MYO1B: variants seen among roughly 807,000 people sequenced by gnomAD.
MYO1B encodes unconventional myosin-Ib.
In MYO1B, 72 loss-of-function variants were observed where a neutral mutation model predicts 159.7. The observed-to-expected ratio is 0.45, with a 90% CI of 0.37 to 0.55. MYO1B has a LOEUF of 0.55. MYO1B is among the 20% of genes least tolerant of loss of function. The pLI, the probability that MYO1B is intolerant of heterozygous loss-of-function variation, is 0.00. For synonymous variants in MYO1B, 468 were observed against 473.8 expected (o/e 0.99, Z 0.16); for missense variants, 1,062 against 1,364.8 (o/e 0.78, Z 3.50).
intron 24 of MYO1B, among the ~76,000 whole-genome samples, chr2:191,403,684 A>G (rs1696746722): frequency 6.6e-6 from 1 of 152,196 alleles, no homozygotes; most frequent in Admixed American, 6.5e-5. Flanking sequence ...TTCAGCCTAT[A>G]AACTTTAGTA....
intron 7 of MYO1B, among the ~76,000 whole-genome samples, chr2:191,359,452 T>G (rs1693523198): frequency 1.3e-5 from 2 of 152,190 alleles, no homozygotes; most frequent in African/African-American, 4.8e-5. Context: ...TAATAATTTT[T>G]GTACTTACAT....
At chr2:191,365,370 A>G (rs117043465) in intron 11 of MYO1B, among the ~76,000 whole-genome samples, 3 of 152,322 alleles carry the variant, frequency 2.0e-5, no homozygotes, top group East Asian at 1.9e-4. Context: ...CTTTCCTACT[A>G]TAATCCAAGA....
rs538627617 is a variant in MYO1B at position 191,371,424 on chromosome 2, C to G, written c.1185+1132C>G. ...ATGGTAAGTACTAATTGAGGGCCGA[C>G]TGTATGTAAGCACTGTGGTAAGTGG... On this transcript the variant is annotated intron_variant, in intron 13 of 30. Coordinates refer to ENST00000392318, the MANE Select transcript of MYO1B (RefSeq NM_001130158.3). Among the ~76,000 whole-genome samples, 5 of 152,230 alleles carry G rather than the reference C, an allele frequency of 3.3e-5. No individual in the cohort carries two copies. The South Asian group carries it at 1.0e-3, about 32-fold the overall frequency.
Position 191,383,328 on chromosome 2 carries a change from G to C in MYO1B, c.1339G>C (p.Asp447His), listed in dbSNP as rs1445356012. Reference protein sequence around the residue: ...IDYFNNAIICDLIENNTNGIL... With the variant: ...IDYFNNAIICHLIENNTNGIL... ...CTACTTCAATAATGCTATCATTTGT[G>C]ACCTAATAGAAAATGTGAGTACTTA... is the stretch of plus-strand genomic sequence containing the variant. The change falls in exon 15 of 31, where the codon GAC (aspartate) becomes CAC (histidine). Residue 447 changes from aspartate (D) to histidine (H), a missense_variant. Asp to His is a moderately conservative substitution (Grantham distance 81, BLOSUM62 -1). Around this residue, in one of 5 missense-constraint regions of MYO1B, gnomAD observed 415 missense variants for 544.0 expected, o/e 0.76. Coordinates refer to ENST00000392318, the MANE Select transcript of MYO1B (RefSeq NM_001130158.3). The C allele has an allele frequency of 6.3e-7, 1 of 1,578,968 alleles. No individual in the cohort carries two copies. The highest frequency in any genetic ancestry group is 8.6e-7 in the Non-Finnish European group (1 of 1,164,194).
chr2:191,301,493 A>C (rs765867969), intron 3 of MYO1B, among the ~76,000 whole-genome samples: 15 of 152,186 alleles, frequency 9.9e-5, no homozygotes, highest in Non-Finnish European at 2.2e-4. Context: ...CTGACCTCCA[A>C]ATGCAGTCAA....
intron 2 of MYO1B, among the ~76,000 whole-genome samples, chr2:191,279,432 G>A (rs1687925875): frequency 6.6e-6 from 1 of 152,174 alleles, no homozygotes; most frequent in East Asian, 1.9e-4. Context: ...ATAGTGGGGT[G>A]GGTTGGGATA....
At chr2:191,409,579 A>C (rs186844099) in intron 26 of MYO1B, among the ~76,000 whole-genome samples, 1 of 152,374 alleles carries the variant, frequency 6.6e-6, no homozygotes, top group East Asian at 1.9e-4. Context: ...AGTTTACTTT[A>C]TCAGATGTAC....
rs1398234063 is a variant in MYO1B, at chr2:191,423,933, C to G, written c.3384C>G (p.Asn1128Lys). The G allele has an allele frequency of 1.9e-6, 3 of 1,613,776 alleles. No homozygotes were observed. Among genetic ancestry groups the G allele is most frequent in the Non-Finnish European group, 2.5e-6 (3 of 1,179,900 alleles). Residue 1128 changes from asparagine (N) to lysine (K), a missense_variant, in exon 31 of 31, where the codon AAC becomes AAG. Around this residue, in one of 5 missense-constraint regions of MYO1B, gnomAD observed 609 missense variants for 744.4 expected, o/e 0.82. Coordinates refer to ENST00000392318, the MANE Select transcript of MYO1B (RefSeq NM_001130158.3). ...GSVPTCKRKN[N>K]RLLEVAVP The stretch of plus-strand genomic sequence containing the variant: ...TCCCAACATGTAAACGAAAAAACAA[C>G]CGTCTCCTTGAAGTTGCTGTCCCTT...
intron 5 of MYO1B, 64 bp downstream of exon 5, chr2:191,341,629 T>G: frequency 7.7e-7 from 1 of 1,291,754 alleles, no homozygotes; most frequent in Non-Finnish European, 1.1e-6. Flanking sequence ...ATGTGGGTGC[T>G]TTGAGTACCT....
At chr2:191,360,786 G>A in intron 8 of MYO1B, 57 bp downstream of exon 8, 1 of 1,340,112 alleles carries the variant, frequency 7.5e-7, no homozygotes, top group Non-Finnish European at 1.1e-6. Context: ...TGTTGTTGTT[G>A]TTGGAGCTGG....
At chr2:191,417,104 A>G (rs1697624862) in intron 30 of MYO1B, among the ~76,000 whole-genome samples, 1 of 152,134 alleles carries the variant, frequency 6.6e-6, no homozygotes, top group Non-Finnish European at 1.5e-5. Flanking sequence ...ATTCTTTTCT[A>G]ATTAAGAATT....
Position 191,282,021 on chromosome 2 carries a change from T to A in MYO1B, c.135+4991T>A, listed in dbSNP as rs56323340. Among the ~76,000 whole-genome samples the A allele has an allele frequency of 6.6e-3, 1,004 of 152,328 alleles. 12 individuals carry two copies. The highest frequency in any genetic ancestry group is 0.023 in the African/African-American group (964 of 41,578). On this transcript the variant is annotated intron_variant, in intron 2 of 30. Coordinates refer to ENST00000392318, the MANE Select transcript of MYO1B (RefSeq NM_001130158.3). ...ATACTTTTATGAAAGATACTCAAGA[T>A]ATAGTACCATATATTTGATTTAAAA...
intron 1 of MYO1B, among the ~76,000 whole-genome samples, chr2:191,271,064 C>T (rs1559130132): frequency 6.6e-6 from 1 of 152,126 alleles, no homozygotes; most frequent in Non-Finnish European, 1.5e-5. Context: ...GTGCACTGTG[C>T]TTTCAGGAAA....
chr2:191,258,677 A>G (rs1395838640), intron 1 of MYO1B, among the ~76,000 whole-genome samples: 1 of 152,150 alleles, frequency 6.6e-6, no homozygotes, highest in Non-Finnish European at 1.5e-5. Flanking sequence ...TTTGTCACAG[A>G]GCTACATGAT....
At chr2:191,370,589 G>C (rs954244618) in intron 13 of MYO1B, among the ~76,000 whole-genome samples, 1 of 152,116 alleles carries the variant, frequency 6.6e-6, no homozygotes, top group Non-Finnish European at 1.5e-5. Context: ...ACTCGTATTA[G>C]TACCTGACTT....
chr2:191,251,676 G>A (rs1317099207), intron 1 of MYO1B, among the ~76,000 whole-genome samples: 3 of 152,044 alleles, frequency 2.0e-5, no homozygotes, highest in African/African-American at 2.4e-5. Flanking sequence ...TTTTAAATTT[G>A]TTTAAAAAAA....
At position 191,371,900 on chromosome 2, in the gene MYO1B, G is replaced by C. The variant is rs137950025; in HGVS notation, c.1185+1608G>C. Among the ~76,000 whole-genome samples the C allele has an allele frequency of 1.5e-4, 23 of 152,316 alleles. No individual in the cohort carries two copies. In the East Asian group the frequency reaches 2.3e-3, roughly 15 times the overall value. ...TGCTTGTATTGCTGCCCATTTAGCA[G>C]AATCTACAAAGGAAAGCTACCAATT... On this transcript the variant is annotated intron_variant, in intron 13 of 30. Coordinates refer to ENST00000392318, the MANE Select transcript of MYO1B (RefSeq NM_001130158.3).
intron 21 of MYO1B, among the ~76,000 whole-genome samples, 176 bp downstream of exon 21, chr2:191,396,673 C>G (rs1186320054): frequency 1.3e-5 from 2 of 152,176 alleles, no homozygotes; most frequent in Non-Finnish European, 2.9e-5. Flanking sequence ...GTGACCATGT[C>G]TTGGCCACTT....
intron 3 of MYO1B, among the ~76,000 whole-genome samples, chr2:191,325,375 T>A (rs1329124466): frequency 2.0e-5 from 3 of 152,136 alleles, no homozygotes; most frequent in African/African-American, 7.2e-5. Flanking sequence ...TGAGAGCTTT[T>A]GAAGAAAATG....
Sources: allele counts gnomAD v4.1 joint callset (sites outside exome capture counted in the v4.1 genomes callset), GRCh38; gene constraint gnomAD v4.1.1; regional missense constraint gnomAD v4.1.1; transcripts MANE v1.5; gene names NCBI Gene and HGNC (gene_info 2026-07-23, HGNC 2026-07-21).